Variants in SCAI observed in about 807,000 individuals in gnomAD.
The protein encoded by SCAI is protein SCAI.
Under a neutral mutation model 92.2 loss-of-function variants are expected in SCAI, and 24 were observed. The ratio of observed to expected loss-of-function variants is 0.26; its 90% CI spans 0.19 to 0.37. SCAI has a LOEUF of 0.37. SCAI is among the 10% of genes least tolerant of loss of function. SCAI has a pLI of 1.00. For synonymous variants in SCAI, 261 were observed against 258.6 expected (o/e 1.01, Z -0.09); for missense variants, 450 against 736.2 (o/e 0.61, Z 4.50).
At chr9:124,995,307 G>A (rs1468314966) in intron 13 of SCAI, among the ~76,000 whole-genome samples, 2 of 152,020 alleles carry the variant, frequency 1.3e-5, no homozygotes, top group South Asian at 2.1e-4. Flanking sequence ...TCAGAAGCTG[G>A]CAAACAGATA....
chr9:125,054,002 T>G (rs1217436681), intron 3 of SCAI, among the ~76,000 whole-genome samples: 1 of 152,132 alleles, frequency 6.6e-6, no homozygotes, highest in African/African-American at 2.4e-5. Flanking sequence ...TGGTTAAGGG[T>G]CTTGCTCTGT....
At chr9:125,106,114 A>ATATATATATATAT (rs1407534116) in intron 2 of SCAI, among the ~76,000 whole-genome samples, 1 of 46,456 alleles carries the variant, frequency 2.2e-5, no homozygotes, top group Non-Finnish European at 4.5e-5. Flanking sequence ...AAAAAAAAAA[A>ATATATATATATAT]AAAAAAAAAT....
chr9:124,962,861 C>T (rs570711150), intron 17 of SCAI, among the ~76,000 whole-genome samples: 19 of 150,794 alleles, frequency 1.3e-4, no homozygotes, highest in African/African-American at 3.4e-4. Flanking sequence ...TGCAGTCGCG[C>T]GATCTTGGCT....
chr9:125,125,909 TACACACACACACACACACACACACACAC>T (rs10554292), intron 2 of SCAI, among the ~76,000 whole-genome samples: 1 of 137,910 alleles, frequency 7.3e-6, no homozygotes, highest in African/African-American at 2.7e-5. Flanking sequence ...TGCGTACACG[TACACACACACACACACACACACACACAC>T]ACACACACAC....
At chr9:124,963,729 A>C (rs1056917148) in intron 17 of SCAI, among the ~76,000 whole-genome samples, 3 of 128,884 alleles carry the variant, frequency 2.3e-5, no homozygotes, top group Non-Finnish European at 4.7e-5. Context: ...CAGCCTTCCA[A>C]CCTGGGCAAC....
In SCAI at chr9:124,951,800, G is replaced by A. The variant is rs1375029964; in HGVS notation, c.*1007C>T. 2 of 152,094 alleles carry A rather than the reference G, an allele frequency of 1.3e-5. No homozygotes were observed. The highest frequency in any genetic ancestry group is 4.8e-5 in the African/African-American group (2 of 41,438). The allele number at this position is 152,094 out of a possible 1,614,324, so 9.4% of individuals were successfully genotyped here. ...CTATTTAAGATAATAAAAATTTTGT[G>A]CATGAATATAAAATACTAAATACAG... is the stretch of plus-strand genomic sequence containing the variant. On this transcript the variant is annotated 3_prime_UTR_variant, in exon 18 of 18. Transcript: ENST00000336505.
At position 124,949,881 on chromosome 9, in the gene SCAI, TCAATGAAA is replaced by T. The variant is rs1831206424; in HGVS notation, c.*2918_*2925del. 6.6e-6 allele frequency: 1 copy of T among 152,158 alleles called. No individual in the cohort carries two copies. The highest frequency in any genetic ancestry group is 1.5e-5 in the Non-Finnish European group (1 of 68,026). 9.4% of individuals were successfully genotyped at this position (152,158 alleles called of 1,614,324 possible). A position where few individuals can be genotyped will look rare whatever the true frequency, so the allele number is the denominator to read the frequency against. On this transcript the variant is annotated 3_prime_UTR_variant, in exon 18 of 18. Transcript: ENST00000336505. This position sits in a 1 kb window ranked among gnomAD's most constrained non-coding sequence, Gnocchi z 4.0. The stretch of plus-strand genomic sequence containing the variant: ...TTTAATACGCATTTTTTTGAAGGCA[TCAATGAAA>T]CAATAACATTTTCCAGCACAGTTTT...
intron 14 of SCAI, among the ~76,000 whole-genome samples, chr9:124,983,365 ATTTTTT>A (rs1207570855): frequency 2.0e-5 from 3 of 151,890 alleles, no homozygotes; most frequent in African/African-American, 7.3e-5. Context: ...TTTTATTTTT[ATTTTTT>A]GAGATGATGT....
At chr9:125,084,615 G>A (rs1331021295) in intron 2 of SCAI, among the ~76,000 whole-genome samples, 1 of 152,132 alleles carries the variant, frequency 6.6e-6, no homozygotes, top group African/African-American at 2.4e-5. Context: ...TTCCCCTAGA[G>A]GGGCGGCCTT....
At position 125,136,290 on chromosome 9, in the gene SCAI, T is replaced by C. The variant is rs554543886; in HGVS notation, c.98+6343A>G. Among the ~76,000 whole-genome samples, 5 of 151,804 alleles carry C rather than the reference T, an allele frequency of 3.3e-5. No homozygotes were observed. The South Asian group carries it at 1.0e-3, about 32-fold the overall frequency. On this transcript the variant is annotated intron_variant, in intron 2 of 17. Coordinates refer to ENST00000336505, the MANE Select transcript of SCAI (RefSeq NM_001144877.3). ...CACACCTGGCTAATTTTCGTATTTT[T>C]GGTAGAGATGAGGTTTCACCATGTT... is the stretch of plus-strand genomic sequence containing the variant.
intron 13 of SCAI, among the ~76,000 whole-genome samples, 184 bp from the exon 14 acceptor site, chr9:124,995,199 A>G (rs545528921): frequency 3.7e-4 from 54 of 147,176 alleles, no homozygotes; most frequent in African/African-American, 1.1e-3. Context: ...CTATTTGGAG[A>G]AAAAAAAAAA....
At chr9:125,063,685 A>C (rs886097373) in intron 2 of SCAI, among the ~76,000 whole-genome samples, 5 of 152,144 alleles carry the variant, frequency 3.3e-5, no homozygotes, top group African/African-American at 9.7e-5. Context: ...CCCCTCAAAA[A>C]AAAAATCAAC....
In SCAI at chr9:124,949,823, A is replaced by G. The variant is rs984966803; in HGVS notation, c.*2984T>C. 3.9e-5 allele frequency: 6 copies of G among 152,198 alleles called. No individual in the cohort carries two copies. The highest frequency in any genetic ancestry group is 1.3e-4 in the Admixed American group (2 of 15,282). The allele number at this position is 152,198 out of a possible 1,614,324, so 9.4% of individuals were successfully genotyped here. On this transcript the variant is annotated 3_prime_UTR_variant, in exon 18 of 18. Transcript: ENST00000336505. This position sits in a 1 kb window ranked among gnomAD's most constrained non-coding sequence, Gnocchi z 4.0. The stretch of plus-strand genomic sequence containing the variant: ...TAAGTCTATTTTGTTTGCTTCCCCA[A>G]TGCCCAGAAGAAAATCTGGAGTATA...
intron 2 of SCAI, among the ~76,000 whole-genome samples, chr9:125,108,306 T>C (rs1259022588): frequency 6.6e-6 from 1 of 150,478 alleles, no homozygotes; most frequent in Non-Finnish European, 1.5e-5. Context: ...ATCTGGGATG[T>C]GAGGAGCCCC....
intron 1 of SCAI, 56 bp from the exon 2 acceptor site, chr9:125,142,733 C>G: frequency 6.8e-7 from 1 of 1,476,906 alleles, no homozygotes; most frequent in Non-Finnish European, 9.5e-7. Flanking sequence ...AAAACATCTC[C>G]CGGCGCTACC....
intron 2 of SCAI, among the ~76,000 whole-genome samples, chr9:125,132,632 C>T (rs781565372): frequency 6.6e-6 from 1 of 152,172 alleles, no homozygotes; most frequent in African/African-American, 2.4e-5. Flanking sequence ...CATGTTCTTA[C>T]CGTCCCAAAC....
intron 6 of SCAI, among the ~76,000 whole-genome samples, chr9:125,021,277 T>C (rs1832865796): frequency 6.6e-6 from 1 of 152,190 alleles, no homozygotes; most frequent in East Asian, 1.9e-4. Context: ...TCTCTGTGCC[T>C]TTTACTTGAT....
At chr9:124,979,483 T>A (rs1831833872) in intron 14 of SCAI, among the ~76,000 whole-genome samples, 1 of 151,834 alleles carries the variant, frequency 6.6e-6, no homozygotes, top group South Asian at 2.1e-4. Context: ...GAGGTTGCAG[T>A]GAGCCAAGAT....
intron 17 of SCAI, among the ~76,000 whole-genome samples, chr9:124,955,837 A>T (rs369651684): frequency 6.6e-6 from 1 of 152,230 alleles, no homozygotes; most frequent in Non-Finnish European, 1.5e-5. Flanking sequence ...AATTAGATAA[A>T]TGCCTTTCAA....
Sources: gnomAD v4.1 joint callset for allele counts (sites outside exome capture counted in the v4.1 genomes callset) on GRCh38, gnomAD v4.1.1 for gene constraint, Gnocchi (gnomAD v3.1) non-coding constraint, MANE v1.5 for transcripts, NCBI Gene and HGNC (gene_info 2026-07-23, HGNC 2026-07-21) for gene names.